Variants in OIP5 observed in about 807,000 individuals in gnomAD.
OIP5 encodes the protein protein Mis18-beta.
In OIP5, 24 loss-of-function variants were observed where a neutral mutation model predicts 20.3. The ratio of observed to expected loss-of-function variants is 1.18; its 90% CI spans 0.86 to 1.66. The LOEUF is 1.66. Ranked by LOEUF, OIP5 falls within the 40% of genes most tolerant of loss-of-function variation. OIP5 has a pLI of 0.00. For synonymous variants in OIP5, 143 were observed against 121.3 expected, an observed-to-expected ratio of 1.18 and a Z score of -1.17; for missense variants, 339 against 289.5, an observed-to-expected ratio of 1.17 and a Z score of -1.24.
At position 41,309,759 on chromosome 15, in the gene OIP5, T is replaced by A; in HGVS notation, c.685A>T (p.Asn229Tyr). 1 of 1,611,736 alleles carries A rather than the reference T, an allele frequency of 6.2e-7. No individual in the cohort carries two copies. The highest frequency in any genetic ancestry group is 8.5e-7 in the Non-Finnish European group (1 of 1,178,128). ...EVTPDQSKPE[N>Y] ...ACTCAAGCTTTGGTACAGGATCAGT[T>A]TTCTGGCTTGGACTGGTCAGGAGTC... The change falls in exon 5 of 5, where the codon AAC becomes TAC. Residue 229 changes from asparagine (N) to tyrosine (Y), a missense_variant. Physicochemically the swap from Asn to Tyr is moderately radical, Grantham distance 143. Transcript: ENST00000220514.
intron 2 of OIP5, among the ~76,000 whole-genome samples, chr15:41,328,856 G>A (rs1242023697): frequency 1.3e-5 from 2 of 151,776 alleles, no homozygotes; most frequent in East Asian, 3.9e-4. Context: ...TCAGAAGTTC[G>A]AGACCAGCAT....
chr15:41,322,586 G>A (rs1040458364), intron 2 of OIP5, among the ~76,000 whole-genome samples: 3 of 151,976 alleles, frequency 2.0e-5, no homozygotes, highest in African/African-American at 7.3e-5. Context: ...CAGAAATGGG[G>A]TCTTACTTTG....
intron 2 of OIP5, among the ~76,000 whole-genome samples, chr15:41,321,281 T>A (rs1314448180): frequency 8.6e-6 from 1 of 116,322 alleles, no homozygotes; most frequent in Non-Finnish European, 1.8e-5. Context: ...CGGCCAGCCG[T>A]CCCGTCCTGG....
At chr15:41,324,888 C>T (rs1019927633) in intron 2 of OIP5, among the ~76,000 whole-genome samples, 16 of 152,166 alleles carry the variant, frequency 1.1e-4, no homozygotes, top group African/African-American at 3.4e-4. Flanking sequence ...GAGAGACTTG[C>T]AACTTTTTCT....
rs2047741524 is a variant in OIP5, at chr15:41,309,662, G to A, written c.*92C>T. The stretch of plus-strand genomic sequence containing the variant: ...GAAACTGCATTTCCCCTCCATTCTT[G>A]AAGCCAATCTTTTTCAAGAAATGAC... On this transcript the variant is annotated 3_prime_UTR_variant, in exon 5 of 5. Transcript: ENST00000220514. The A allele has an allele frequency of 8.7e-6, 7 of 806,148 alleles. No homozygotes were observed. Among genetic ancestry groups the A allele is most frequent in the Non-Finnish European group, 1.2e-5 (6 of 497,842 alleles). The allele number at this position is 806,148 out of a possible 1,614,324, so 49.9% of individuals were successfully genotyped here. A position where few individuals can be genotyped will look rare whatever the true frequency, so the allele number is the denominator to read the frequency against.
chr15:41,321,541 A>T (rs1410082292), intron 2 of OIP5, among the ~76,000 whole-genome samples: 2 of 152,214 alleles, frequency 1.3e-5, no homozygotes, highest in Non-Finnish European at 2.9e-5. Context: ...GTGTAGAAAG[A>T]AGTAGACATG....
Position 41,313,368 on chromosome 15 carries a change from A to C in OIP5, c.513-14T>G. On this transcript the variant is annotated splice_polypyrimidine_tract_variant and intron_variant, in intron 3 of 4. Coordinates refer to ENST00000220514, the MANE Select transcript of OIP5 (RefSeq NM_007280.2). Reference sequence around the variant, plus strand: ...TTTAAGAGATAGCTAGATAGGAAAAAAGAAAAATATTAGTGTCATACCATG... The same window carrying C: ...TTTAAGAGATAGCTAGATAGGAAAACAGAAAAATATTAGTGTCATACCATG... 1.4e-6 allele frequency: 2 copies of C among 1,418,888 alleles called. No individual in the cohort carries two copies. Among genetic ancestry groups the C allele is most frequent in the Non-Finnish European group, 2.0e-6 (2 of 1,011,956 alleles). 87.9% of individuals were successfully genotyped at this position (1,418,888 alleles called of 1,614,324 possible).
At chr15:41,331,706 C>A (rs2047916971) in intron 2 of OIP5, among the ~76,000 whole-genome samples, 2 of 152,152 alleles carry the variant, frequency 1.3e-5, no homozygotes, top group South Asian at 4.1e-4. Context: ...TTCACTTGTA[C>A]AAGCCACCTG....
At chr15:41,319,285 G>A (rs918049816) in intron 3 of OIP5, among the ~76,000 whole-genome samples, 5 of 151,282 alleles carry the variant, frequency 3.3e-5, no homozygotes, top group Non-Finnish European at 7.4e-5. Context: ...TGTCTCCCAG[G>A]CTGGAGTGCA....
intron 3 of OIP5, among the ~76,000 whole-genome samples, chr15:41,317,658 G>A (rs144624402): frequency 1.2e-3 from 178 of 152,122 alleles, no homozygotes; most frequent in African/African-American, 4.2e-3. Flanking sequence ...GGGGTTACAG[G>A]CGTGAGCTAC....
At chr15:41,330,842 C>G (rs2047896965) in intron 2 of OIP5, among the ~76,000 whole-genome samples, 1 of 152,136 alleles carries the variant, frequency 6.6e-6, no homozygotes, top group South Asian at 2.1e-4. Flanking sequence ...CAGTATAGGA[C>G]AGCACGGGTC....
intron 4 of OIP5, among the ~76,000 whole-genome samples, chr15:41,312,173 T>C (rs2047760193): frequency 9.7e-6 from 1 of 103,088 alleles, no homozygotes; most frequent in African/African-American, 2.7e-5. Context: ...TCTTTTTTTT[T>C]TTTTTGAGAC....
At chr15:41,314,164 C>T (rs2047775889) in intron 3 of OIP5, among the ~76,000 whole-genome samples, 1 of 151,896 alleles carries the variant, frequency 6.6e-6, no homozygotes. Flanking sequence ...TGCAGTGGTA[C>T]AATCTCAGCT....
At chr15:41,310,739 T>C (rs974863357) in intron 4 of OIP5, among the ~76,000 whole-genome samples, 1 of 152,204 alleles carries the variant, frequency 6.6e-6, no homozygotes, top group South Asian at 2.1e-4. Flanking sequence ...GTCACAGTGC[T>C]TTGTGGAGAC....
At chr15:41,311,212 C>A (rs2047751825) in intron 4 of OIP5, among the ~76,000 whole-genome samples, 3 of 152,172 alleles carry the variant, frequency 2.0e-5, no homozygotes, top group African/African-American at 7.2e-5. Context: ...AAAACCCCGT[C>A]TCTACTAAAA....
chr15:41,319,879 G>A, intron 2 of OIP5, 99 bp from the exon 3 acceptor site: 1 of 942,222 alleles, frequency 1.1e-6, no homozygotes, highest in Non-Finnish European at 1.5e-6. Flanking sequence ...CTAAGTCAGG[G>A]TGAAAATTAC....
intron 2 of OIP5, among the ~76,000 whole-genome samples, chr15:41,330,348 C>T (rs1043103952): frequency 6.6e-6 from 1 of 151,616 alleles, no homozygotes; most frequent in Non-Finnish European, 1.5e-5. Context: ...ATCTGCCTGT[C>T]ATGGCCTCCC....
chr15:41,316,137 GA>G (rs11292379), intron 3 of OIP5, among the ~76,000 whole-genome samples: 31,416 of 144,828 alleles, frequency 0.22, 3,554 homozygotes, highest in Non-Finnish European at 0.26. Flanking sequence ...CCGTCTCAAA[GA>G]AAAAAAAAAA....
At chr15:41,330,205 C>A (rs61127691) in intron 2 of OIP5, among the ~76,000 whole-genome samples, 1 of 151,868 alleles carries the variant, frequency 6.6e-6, no homozygotes, top group African/African-American at 2.4e-5. Flanking sequence ...ATTCTCCCTC[C>A]TCAGCCTCCT....
Sources: gnomAD v4.1 joint callset for allele counts (sites outside exome capture counted in the v4.1 genomes callset) on GRCh38, gnomAD v4.1.1 for gene constraint, MANE v1.5 for transcripts, NCBI Gene and HGNC (gene_info 2026-07-23, HGNC 2026-07-21) for gene names.